SMU1: variants seen among roughly 807,000 people sequenced by gnomAD.
The protein encoded by SMU1 is WD40 repeat-containing protein SMU1.
Under a neutral mutation model 62.0 loss-of-function variants are expected in SMU1, and 2 were observed. That is an observed-to-expected ratio of 0.03 (90% CI 0.01 to 0.10). SMU1 has a LOEUF of 0.10. SMU1 is among the 10% of genes least tolerant of loss of function. SMU1 has a pLI of 1.00. For synonymous variants in SMU1, 188 were observed against 212.4 expected, an observed-to-expected ratio of 0.89 and a Z score of 1.00; for missense variants, 227 against 622.1, an observed-to-expected ratio of 0.36 and a Z score of 6.76.
At chr9:33,067,279 A>C (rs1014420380) in intron 4 of SMU1, among the ~76,000 whole-genome samples, 17 of 145,270 alleles carry the variant, frequency 1.2e-4, no homozygotes, top group African/African-American at 4.5e-4. Context: ...TCGCTGAAGA[A>C]AGTTAGTTGC....
chr9:33,074,260 T>C, intron 1 of SMU1, among the ~76,000 whole-genome samples: 1 of 151,704 alleles, frequency 6.6e-6, no homozygotes, highest in Non-Finnish European at 1.5e-5. Flanking sequence ...AACCAGGAGG[T>C]TTGAGACCAG....
chr9:33,060,981 A>G (rs1839355376), intron 5 of SMU1, among the ~76,000 whole-genome samples: 2 of 152,218 alleles, frequency 1.3e-5, no homozygotes, highest in South Asian at 2.1e-4. Flanking sequence ...TCAGGGGGAA[A>G]AAACTCATTT....
chr9:33,053,319 C>CT (rs746611187), intron 9 of SMU1, 29 bp from the exon 10 acceptor site: 1 of 1,595,228 alleles, frequency 6.3e-7, no homozygotes, highest in Non-Finnish European at 8.5e-7. Context: ...AGTTATAAAC[C>CT]TTTTTTAGGT....
At chr9:33,074,547 C>A (rs983587196) in intron 1 of SMU1, among the ~76,000 whole-genome samples, 3 of 151,990 alleles carry the variant, frequency 2.0e-5, no homozygotes, top group African/African-American at 7.3e-5. Flanking sequence ...AAGGTTGAGG[C>A]TGCAGTGAGC....
chr9:33,051,965 C>T (rs1293402610), intron 10 of SMU1, among the ~76,000 whole-genome samples: 2 of 147,068 alleles, frequency 1.4e-5, no homozygotes, highest in East Asian at 2.0e-4. Context: ...TACAGTGAGC[C>T]GAGATCACGC....
At chr9:33,069,070 T>C (rs904805943) in intron 3 of SMU1, 136 bp from the exon 4 acceptor site, 2 of 1,327,984 alleles carry the variant, frequency 1.5e-6, no homozygotes, top group African/African-American at 1.5e-5. Flanking sequence ...AAGGGATTAG[T>C]TGAACTAATT....
intron 9 of SMU1, among the ~76,000 whole-genome samples, chr9:33,053,761 T>C (rs914538784): frequency 6.6e-6 from 1 of 152,270 alleles, no homozygotes; most frequent in Non-Finnish European, 1.5e-5. Context: ...GTTGAATCCA[T>C]GTTCCGGATA....
chr9:33,064,620 T>G (rs906490265), intron 4 of SMU1, among the ~76,000 whole-genome samples: 1 of 152,350 alleles, frequency 6.6e-6, no homozygotes, highest in Admixed American at 6.5e-5. Context: ...TTGCAACAGA[T>G]GTTCTTGTGT....
intron 3 of SMU1, 114 bp from the exon 4 acceptor site, chr9:33,069,048 AC>A (rs1839457590): frequency 2.1e-6 from 3 of 1,397,160 alleles, no homozygotes; most frequent in Non-Finnish European, 2.8e-6. Flanking sequence ...AAAAGAAATT[AC>A]CCAGTTAAAG....
At chr9:33,072,744 G>A (rs574902420) in intron 2 of SMU1, among the ~76,000 whole-genome samples, 2 of 149,662 alleles carry the variant, frequency 1.3e-5, no homozygotes, top group South Asian at 2.1e-4. Context: ...CAGGAGAATC[G>A]CTTGAACCCC....
intron 1 of SMU1, among the ~76,000 whole-genome samples, chr9:33,076,031 T>G (rs914827854): frequency 2.0e-5 from 3 of 152,008 alleles, no homozygotes; most frequent in African/African-American, 7.3e-5. Context: ...CAAAAGCAAT[T>G]AACTCTTCCT....
At chr9:33,071,530 A>G (rs1470805769) in intron 3 of SMU1, among the ~76,000 whole-genome samples, 1 of 152,152 alleles carries the variant, frequency 6.6e-6, no homozygotes, top group African/African-American at 2.4e-5. Flanking sequence ...AGGTGTATAG[A>G]AGACTCAAAT....
chr9:33,051,332 G>C (rs908810295), intron 10 of SMU1, among the ~76,000 whole-genome samples: 2 of 152,118 alleles, frequency 1.3e-5, no homozygotes, highest in Non-Finnish European at 2.9e-5. Flanking sequence ...AGAACAGAAA[G>C]GGCACAGAGA....
intron 1 of SMU1, 38 bp downstream of exon 1, chr9:33,076,545 C>T (rs1233030071): frequency 4.3e-6 from 7 of 1,612,950 alleles, no homozygotes; most frequent in Admixed American, 1.7e-5. Flanking sequence ...ACCTCCAGGC[C>T]CCCGGCAAGG....
chr9:33,060,108 G>A (rs1839346318), intron 6 of SMU1, among the ~76,000 whole-genome samples: 1 of 152,128 alleles, frequency 6.6e-6, no homozygotes, highest in Non-Finnish European at 1.5e-5. Flanking sequence ...CTCCTGGCTT[G>A]AGGGATCCTC....
At chr9:33,072,843 A>AC (rs1328641137) in intron 2 of SMU1, among the ~76,000 whole-genome samples, 4 of 151,832 alleles carry the variant, frequency 2.6e-5, no homozygotes, top group Non-Finnish European at 5.9e-5. Context: ...AAAAAACAAA[A>AC]AAAAAAACCC....
At chr9:33,062,436 T>C (rs1358556676) in intron 4 of SMU1, among the ~76,000 whole-genome samples, 2 of 152,194 alleles carry the variant, frequency 1.3e-5, no homozygotes, top group African/African-American at 2.4e-5. Flanking sequence ...AGTGGCTCTT[T>C]TGTTATAAAC....
At chr9:33,060,803 T>C (rs1052974485) in intron 5 of SMU1, among the ~76,000 whole-genome samples, 1 of 152,222 alleles carries the variant, frequency 6.6e-6, no homozygotes, top group African/African-American at 2.4e-5. Context: ...TGAAGCTAGT[T>C]TTTTGAATGT....
chr9:33,062,578 T>A (rs781335026), intron 4 of SMU1, among the ~76,000 whole-genome samples: 2 of 152,210 alleles, frequency 1.3e-5, no homozygotes, highest in South Asian at 2.1e-4. Flanking sequence ...TTATACTATA[T>A]GTAAAATTTT....
Sources: allele counts gnomAD v4.1 joint callset (sites outside exome capture counted in the v4.1 genomes callset), GRCh38; gene constraint gnomAD v4.1.1; transcripts MANE v1.5; gene names NCBI Gene and HGNC (gene_info 2026-07-23, HGNC 2026-07-21).